Variants in SKAP1 observed in about 807,000 individuals in gnomAD.
SKAP1 encodes the protein src kinase-associated phosphoprotein 1.
In SKAP1, 44 loss-of-function variants were observed where a neutral mutation model predicts 58.5. That is an observed-to-expected ratio of 0.75 (90% CI 0.59 to 0.97). SKAP1 has a LOEUF of 0.97. Ranked by LOEUF, SKAP1 falls within the 50% of genes least tolerant of loss-of-function variation. The pLI is 0.00. For missense variants in SKAP1, 390 were observed against 435.2 expected (o/e 0.90, Z 0.92); for synonymous variants, 127 against 149.7 (o/e 0.85, Z 1.11).
chr17:48,350,416 C>T (rs1322793568), intron 3 of SKAP1, among the ~76,000 whole-genome samples: 1 of 152,148 alleles, frequency 6.6e-6, no homozygotes, highest in African/African-American at 2.4e-5. Context: ...AGGTTTGCAG[C>T]CGGGCGTGGT....
chr17:48,306,452 G>A (rs912466971), intron 4 of SKAP1, among the ~76,000 whole-genome samples: 11 of 152,062 alleles, frequency 7.2e-5, no homozygotes, highest in Non-Finnish European at 1.3e-4. Flanking sequence ...ACTCCATTAC[G>A]CCACATTTCC....
At chr17:48,346,438 A>G (rs147709182) in intron 3 of SKAP1, among the ~76,000 whole-genome samples, 3,388 of 152,216 alleles carry the variant, frequency 0.022, 118 homozygotes, top group African/African-American at 0.075. Context: ...AGCCTGGCCA[A>G]TATGGTGAAA....
At chr17:48,439,759 A>G in the SKAP1 span, among the ~76,000 whole-genome samples, 1 of 152,370 alleles carries the variant, frequency 6.6e-6, no homozygotes, top group Middle Eastern at 3.4e-3. Context: ...CCATATGGCC[A>G]CTATGACATG....
chr17:48,153,790 CCA>C (rs1469624116), intron 11 of SKAP1, among the ~76,000 whole-genome samples: 1 of 151,538 alleles, frequency 6.6e-6, no homozygotes, highest in Non-Finnish European at 1.5e-5. Context: ...AGATAACCCC[CCA>C]CCCATCCCCC....
At chr17:48,283,332 A>C (rs549020591) in intron 4 of SKAP1, among the ~76,000 whole-genome samples, 2 of 152,340 alleles carry the variant, frequency 1.3e-5, no homozygotes, top group Admixed American at 1.3e-4. Flanking sequence ...AATAATAATA[A>C]AATTTAGATG....
At chr17:48,429,923 A>G in intron 1 of SKAP1, 152 bp downstream of exon 1, 1 of 571,680 alleles carries the variant, frequency 1.7e-6, no homozygotes, top group Non-Finnish European at 2.7e-6. Flanking sequence ...GAGGATGGAA[A>G]GCTGGCTCTA....
intron 4 of SKAP1, among the ~76,000 whole-genome samples, chr17:48,193,455 C>T (rs781158782): frequency 5.9e-5 from 9 of 151,982 alleles, no homozygotes; most frequent in African/African-American, 1.5e-4. Flanking sequence ...AGAATGTCTA[C>T]GGAAAAAAAA....
chr17:48,355,731 G>T (rs1390223314), intron 3 of SKAP1, among the ~76,000 whole-genome samples: 2 of 152,022 alleles, frequency 1.3e-5, no homozygotes, highest in Non-Finnish European at 2.9e-5. Flanking sequence ...GGTGGCTGAG[G>T]CATAAGAATT....
At chr17:48,305,373 A>G (rs972378901) in intron 4 of SKAP1, among the ~76,000 whole-genome samples, 5 of 152,164 alleles carry the variant, frequency 3.3e-5, no homozygotes, top group African/African-American at 1.2e-4. Context: ...TTAATGGAAC[A>G]CAGCCACAAT....
At chr17:48,277,131 T>C (rs1276646955) in intron 4 of SKAP1, among the ~76,000 whole-genome samples, 3 of 152,244 alleles carry the variant, frequency 2.0e-5, no homozygotes, top group Non-Finnish European at 2.9e-5. Context: ...AGAAATGATC[T>C]CATTTACTTA....
chr17:48,288,998 C>T (rs1598516236), intron 4 of SKAP1, among the ~76,000 whole-genome samples: 2 of 152,070 alleles, frequency 1.3e-5, no homozygotes, highest in Non-Finnish European at 2.9e-5. Context: ...AATGTGACAC[C>T]TGATAATGTA....
intron 4 of SKAP1, among the ~76,000 whole-genome samples, chr17:48,316,247 C>T (rs976513671): frequency 3.9e-5 from 6 of 152,206 alleles, no homozygotes; most frequent in Admixed American, 6.5e-5. Flanking sequence ...TCTTCAATCT[C>T]ATTTCCTAAC....
chr17:48,379,425 T>C (rs1182090372), intron 2 of SKAP1, among the ~76,000 whole-genome samples: 1 of 152,296 alleles, frequency 6.6e-6, no homozygotes, highest in East Asian at 1.9e-4. Context: ...AATAACAGAA[T>C]TTAGAAAGCC....
At chr17:48,430,304 CG>C (rs995205550), upstream of SKAP1, 1 of 306,616 alleles carries the variant, frequency 3.3e-6, no homozygotes, top group Non-Finnish European at 5.7e-6. Flanking sequence ...GGGCGGCAGG[CG>C]GGGACCGGAA....
At chr17:48,276,799 C>A (rs2065706600) in intron 4 of SKAP1, among the ~76,000 whole-genome samples, 1 of 152,180 alleles carries the variant, frequency 6.6e-6, no homozygotes, top group Non-Finnish European at 1.5e-5. Flanking sequence ...ACAAGCAATT[C>A]AATTTTGCTT....
intron 4 of SKAP1, among the ~76,000 whole-genome samples, chr17:48,320,196 T>G (rs1261066790): frequency 6.6e-6 from 1 of 151,954 alleles, no homozygotes; most frequent in Non-Finnish European, 1.5e-5. Context: ...AATAACAGAG[T>G]AACAATTCAA....
Position 48,257,858 on chromosome 17 carries a change from T to C in SKAP1, c.281-68358A>G, listed in dbSNP as rs549164106. On this transcript the variant is annotated intron_variant, in intron 4 of 12. Coordinates refer to ENST00000336915, the MANE Select transcript of SKAP1 (RefSeq NM_003726.4). ...TTTCCTGAAGTAGAAGAGAAGCTGA[T>C]AGTTGGAGCCTCTGAAGCTGTTCAT... Among the ~76,000 whole-genome samples the C allele has an allele frequency of 2.0e-5, 3 of 152,152 alleles. No homozygotes were observed. The East Asian group carries it at 5.8e-4, about 29-fold the overall frequency.
At chr17:48,266,516 T>C (rs1192661134) in intron 4 of SKAP1, among the ~76,000 whole-genome samples, 3 of 149,418 alleles carry the variant, frequency 2.0e-5, no homozygotes, top group African/African-American at 7.3e-5. Context: ...TTACTTTCTT[T>C]TTTTTTTTTT....
chr17:48,240,537 G>C (rs905393369), intron 4 of SKAP1, among the ~76,000 whole-genome samples: 1 of 152,202 alleles, frequency 6.6e-6, no homozygotes, highest in Non-Finnish European at 1.5e-5. Flanking sequence ...AACCAGTATA[G>C]AAATACAGTT....
Sources: gnomAD v4.1 joint callset for allele counts (sites outside exome capture counted in the v4.1 genomes callset) on GRCh38, gnomAD v4.1.1 for gene constraint, MANE v1.5 for transcripts, NCBI Gene and HGNC (gene_info 2026-07-23, HGNC 2026-07-21) for gene names.